Variants in CDK13 observed in about 807,000 individuals in gnomAD.
The protein encoded by CDK13 is cyclin dependent kinase 13.
In CDK13, 40 loss-of-function variants were observed where a neutral mutation model predicts 137.6. That is an observed-to-expected ratio of 0.29 (90% CI 0.23 to 0.38). CDK13 has a LOEUF of 0.38. Ranked by LOEUF, CDK13 falls within the 10% of genes least tolerant of loss-of-function variation. The probability of loss-of-function intolerance (pLI) is 1.00; values close to 1 mark genes in which losing one functional copy is unlikely to be tolerated. For missense variants in CDK13, 1,704 were observed against 1,951.8 expected, an observed-to-expected ratio of 0.87 and a Z score of 2.39; for synonymous variants, 869 against 760.1, an observed-to-expected ratio of 1.14 and a Z score of -2.36.
intron 1 of CDK13, among the ~76,000 whole-genome samples, chr7:39,981,736 A>G (rs1360828753): frequency 1.3e-5 from 2 of 152,054 alleles, no homozygotes; most frequent in African/African-American, 4.8e-5. Flanking sequence ...AGTTGTATGT[A>G]GAAGAATTCA....
chr7:39,967,532 T>G (rs1783899131), intron 1 of CDK13, among the ~76,000 whole-genome samples: 1 of 152,106 alleles, frequency 6.6e-6, no homozygotes, highest in Non-Finnish European at 1.5e-5. Flanking sequence ...ATCTGAGCTA[T>G]TGTGAATAAT....
At chr7:40,010,460 G>C (rs1398896602) in intron 5 of CDK13, among the ~76,000 whole-genome samples, 1 of 152,176 alleles carries the variant, frequency 6.6e-6, no homozygotes, top group East Asian at 1.9e-4. Flanking sequence ...AAGGCAGGCA[G>C]ATCACTTGAG....
At chr7:39,982,095 A>G (rs1484154207) in intron 1 of CDK13, among the ~76,000 whole-genome samples, 3 of 149,990 alleles carry the variant, frequency 2.0e-5, no homozygotes, top group South Asian at 2.1e-4. Context: ...TACATGTGCC[A>G]TGCTGGTGTG....
intron 7 of CDK13, among the ~76,000 whole-genome samples, chr7:40,054,669 G>T (rs951054317): frequency 3.3e-5 from 5 of 152,168 alleles, no homozygotes; most frequent in Non-Finnish European, 7.3e-5. Context: ...GACCTCAGGT[G>T]ATCCACCCAC....
At chr7:40,067,706 T>C (rs1322828755) in intron 9 of CDK13, 1 of 152,358 alleles carries the variant, frequency 6.6e-6, no homozygotes, top group Non-Finnish European at 1.5e-5. Flanking sequence ...CCCAGCACTT[T>C]GGGAGGCCGA....
At chr7:40,001,754 A>G (rs1784690238) in intron 4 of CDK13, 107 bp from the exon 5 acceptor site, 1 of 783,994 alleles carries the variant, frequency 1.3e-6, no homozygotes, top group Non-Finnish European at 2.2e-6. Flanking sequence ...TTGTGGTTCT[A>G]TTTTTGAGAA....
intron 1 of CDK13, among the ~76,000 whole-genome samples, chr7:39,961,733 C>T (rs372947461): frequency 1.6e-3 from 236 of 151,976 alleles, no homozygotes; most frequent in African/African-American, 5.6e-3. Context: ...TGTGCTGCAC[C>T]CATTAACTCA....
intron 5 of CDK13, among the ~76,000 whole-genome samples, chr7:40,012,366 A>G (rs2116367871): frequency 6.6e-6 from 1 of 152,062 alleles, no homozygotes; most frequent in Non-Finnish European, 1.5e-5. Context: ...GAGGAGGCCA[A>G]GGTGGGAGGA....
chr7:39,994,377 A>G (rs1391436178), intron 2 of CDK13, among the ~76,000 whole-genome samples: 1 of 152,102 alleles, frequency 6.6e-6, no homozygotes, highest in Non-Finnish European at 1.5e-5. Flanking sequence ...AATTCATCTC[A>G]CTAATTTCCA....
At chr7:40,059,539 G>C (rs798858) in intron 7 of CDK13, among the ~76,000 whole-genome samples, 2 of 151,958 alleles carry the variant, frequency 1.3e-5, no homozygotes, top group Non-Finnish European at 2.9e-5. Context: ...TTGTATTTTC[G>C]GTAGAGATGG....
chr7:40,014,791 A>G (rs912412816), intron 5 of CDK13, among the ~76,000 whole-genome samples: 1 of 152,112 alleles, frequency 6.6e-6, no homozygotes, highest in African/African-American at 2.4e-5. Flanking sequence ...TTTCATGTTT[A>G]GGTCCTTTGC....
At position 40,071,481 on chromosome 7, in the gene CDK13, T is replaced by G. The variant is rs548164350; in HGVS notation, c.2781-6524T>G. The G allele has an allele frequency of 4.6e-5, 7 of 152,288 alleles. No homozygotes were observed. In the East Asian group the frequency reaches 1.2e-3, roughly 25 times the overall value. 9.4% of individuals were successfully genotyped at this position (152,288 alleles called of 1,614,324 possible). A position where few individuals can be genotyped will look rare whatever the true frequency, so the allele number is the denominator to read the frequency against. On this transcript the variant is annotated intron_variant, in intron 9 of 13. Transcript: ENST00000181839. ...TATTCTTCTTAGAAACCACAAAAAT[T>G]AGATGATTGCTAGTTTTTTACAGGT... is the stretch of plus-strand genomic sequence containing the variant.
At chr7:40,043,906 T>TTC (rs1325565796) in intron 5 of CDK13, among the ~76,000 whole-genome samples, 1 of 150,968 alleles carries the variant, frequency 6.6e-6, no homozygotes, top group Admixed American at 6.6e-5. Context: ...TAATTTTTTT[T>TTC]TTTTTTTTGA....
chr7:39,951,298 G>A lies in CDK13; in HGVS notation c.657G>A (p.Arg219=), dbSNP rs958364262. 1.1e-4 allele frequency: 150 copies of A among 1,370,646 alleles called. No homozygotes were observed. The highest frequency in any genetic ancestry group is 2.6e-4 in the Middle Eastern group (1 of 3,856). The allele number at this position is 1,370,646 out of a possible 1,614,324, so 84.9% of individuals were successfully genotyped here. The change falls in exon 1 of 14, where the codon CGG becomes CGA. Residue 219 remains arginine, a synonymous_variant. Coordinates refer to ENST00000181839, the MANE Select transcript of CDK13 (RefSeq NM_003718.5). ...SKERHREHRR[R]DGQRGGSEAS... is the part of the protein sequence containing the mutation. ...AGCGCCACCGCGAGCACCGGCGGCG[G>A]GATGGGCAGCGCGGTGGCAGCGAGG... is the stretch of plus-strand genomic sequence containing the variant.
intron 9 of CDK13, among the ~76,000 whole-genome samples, chr7:40,064,687 T>A (rs1169208070): frequency 6.6e-6 from 1 of 151,232 alleles, no homozygotes; most frequent in African/African-American, 2.4e-5. Flanking sequence ...GTGCTTCAAC[T>A]CCAAAGCAGC....
At chr7:39,958,850 C>T (rs1358632441) in intron 1 of CDK13, among the ~76,000 whole-genome samples, 1 of 152,194 alleles carries the variant, frequency 6.6e-6, no homozygotes, top group Admixed American at 6.5e-5. Flanking sequence ...AAATGCCTTT[C>T]AGAAGGCTTT....
chr7:39,985,923 C>G (rs901225223), intron 1 of CDK13: 15 of 152,246 alleles, frequency 9.9e-5, no homozygotes, highest in Admixed American at 7.9e-4. Flanking sequence ...GCAGCTTCTT[C>G]CAGAAAATGT....
intron 5 of CDK13, among the ~76,000 whole-genome samples, 157 bp from the exon 6 acceptor site, chr7:40,045,679 A>G (rs1279680006): frequency 6.6e-6 from 1 of 151,952 alleles, no homozygotes; most frequent in African/African-American, 2.4e-5. Flanking sequence ...AATATTATTA[A>G]GTCCAGAGAG....
intron 5 of CDK13, among the ~76,000 whole-genome samples, chr7:40,007,677 C>T (rs376510032): frequency 6.7e-4 from 102 of 152,264 alleles, no homozygotes; most frequent in Middle Eastern, 3.4e-3. Flanking sequence ...ATCCACCCAC[C>T]TCGGCCTCCC....
Sources: allele counts gnomAD v4.1 joint callset (sites outside exome capture counted in the v4.1 genomes callset), GRCh38; gene constraint gnomAD v4.1.1; transcripts MANE v1.5; gene names NCBI Gene and HGNC (gene_info 2026-07-23, HGNC 2026-07-21).